The following AGO2 variants were observed in gnomAD, a reference collection of about 807,000 sequenced individuals.
The protein encoded by AGO2 is argonaute RISC catalytic component 2.
AGO2 carries 5 observed loss-of-function variants against 102.3 expected under a neutral mutation model. That is an observed-to-expected ratio of 0.05 (90% CI 0.03 to 0.10). The LOEUF is 0.10. AGO2 is among the 10% of genes least tolerant of loss of function. The pLI, the probability that AGO2 is intolerant of heterozygous loss-of-function variation, is 1.00. For missense variants in AGO2, 541 were observed against 1,183.7 expected (o/e 0.46, Z 7.97); for synonymous variants, 449 against 473.1 (o/e 0.95, Z 0.66).
chr8:140,595,949 T>A (rs368964178), intron 1 of AGO2, among the ~76,000 whole-genome samples: 2 of 113,756 alleles, frequency 1.8e-5, no homozygotes, highest in Admixed American at 1.2e-4. Flanking sequence ...ATATATATTT[T>A]ATATATAATA....
intron 1 of AGO2, among the ~76,000 whole-genome samples, chr8:140,602,171 A>AT (rs2073942623): frequency 6.6e-6 from 1 of 152,174 alleles, no homozygotes; most frequent in Non-Finnish European, 1.5e-5. Context: ...GAGGGTCCTT[A>AT]TTTTTTAACA....
chr8:140,537,979 T>G (rs541277047), intron 16 of AGO2, among the ~76,000 whole-genome samples: 1 of 152,162 alleles, frequency 6.6e-6, no homozygotes, highest in African/African-American at 2.4e-5. Flanking sequence ...CCACCACGCC[T>G]GGGTAATTTT....
intron 1 of AGO2, among the ~76,000 whole-genome samples, chr8:140,628,315 CGT>C (rs746091855): frequency 4.6e-5 from 7 of 152,220 alleles, no homozygotes; most frequent in Non-Finnish European, 8.8e-5. Context: ...CGAACACCCA[CGT>C]GTGTGAGGCC....
intron 10 of AGO2, among the ~76,000 whole-genome samples, chr8:140,554,201 C>T (rs1194245762): frequency 6.6e-6 from 1 of 152,212 alleles, no homozygotes; most frequent in Non-Finnish European, 1.5e-5. Context: ...CCTCCCGGGG[C>T]GTCTCCTCCC....
chr8:140,638,917 T>A (rs562057962), upstream of AGO2, among the ~76,000 whole-genome samples: 8 of 152,240 alleles, frequency 5.3e-5, no homozygotes, highest in East Asian at 1.4e-3. Flanking sequence ...AGGGTCTCAC[T>A]CTATTGCCCA....
At chr8:140,575,396 C>G (rs1210005082) in intron 2 of AGO2, among the ~76,000 whole-genome samples, 3 of 152,196 alleles carry the variant, frequency 2.0e-5, no homozygotes, top group Non-Finnish European at 2.9e-5. Context: ...TGCCCTGCAG[C>G]TCTCGCAAGA....
intron 17 of AGO2, among the ~76,000 whole-genome samples, chr8:140,533,448 G>A (rs1208021139): frequency 6.6e-6 from 1 of 151,208 alleles, no homozygotes; most frequent in Non-Finnish European, 1.5e-5. Context: ...CAAGGACAGT[G>A]CCATTTGTGT....
chr8:140,532,074 T>C lies in AGO2; in HGVS notation c.2550A>G (p.Gln850=). The C allele has an allele frequency of 6.2e-7, 1 of 1,614,222 alleles. No individual in the cohort carries two copies. Among genetic ancestry groups the C allele is most frequent in the Non-Finnish European group, 8.5e-7 (1 of 1,180,038 alleles). The change falls in exon 19 of 19, where the codon CAA becomes CAG. Residue 850 remains glutamine (Q), a synonymous_variant. Transcript: ENST00000220592. ...QALAKAVQVH[Q]DTLRTMYFA is the part of the protein sequence containing the mutation. ...CAAAGTACATGGTGCGCAGAGTGTC[T>C]TGGTGAACCTGGACCGCCTTGGCCA...
intron 1 of AGO2, among the ~76,000 whole-genome samples, chr8:140,614,279 G>C (rs1035425202): frequency 6.6e-6 from 1 of 152,070 alleles, no homozygotes; most frequent in Non-Finnish European, 1.5e-5. Context: ...AGCCGAGATC[G>C]TGCCACTGCA....
intron 1 of AGO2, among the ~76,000 whole-genome samples, chr8:140,613,639 G>A (rs1211963730): frequency 3.3e-5 from 5 of 152,132 alleles, no homozygotes; most frequent in African/African-American, 1.2e-4. Flanking sequence ...CAGGAATAAC[G>A]GTAATACTGG....
upstream of AGO2, chr8:140,636,135 A>G (rs1459207714): frequency 6.6e-6 from 1 of 151,160 alleles, no homozygotes; most frequent in Non-Finnish European, 1.5e-5. Flanking sequence ...TTAAGTTACT[A>G]CAGAAACACG....
At chr8:140,543,335 C>T (rs1192639736) in intron 14 of AGO2, among the ~76,000 whole-genome samples, 1 of 152,204 alleles carries the variant, frequency 6.6e-6, no homozygotes, top group African/African-American at 2.4e-5. Context: ...CCCTGAATAA[C>T]ACCAGAGCAC....
chr8:140,529,749 T>G lies in AGO2; in HGVS notation c.*2295A>C, dbSNP rs2944759. On this transcript the variant is annotated 3_prime_UTR_variant, in exon 19 of 19. Transcript: ENST00000220592. ...GGCCATCGCTTAGACACAGATGCCC[T>G]GGCCATCCCTGAAGTACCGCACGCA... 0.31 allele frequency: 47,256 copies of G among 151,766 alleles called. 9,283 individuals carry two copies. Among genetic ancestry groups the G allele is most frequent in the African/African-American group, 0.56 (22,885 of 41,212 alleles). 9.4% of individuals were successfully genotyped at this position (151,766 alleles called of 1,614,324 possible). A position where few individuals can be genotyped will look rare whatever the true frequency, so the allele number is the denominator to read the frequency against.
intron 2 of AGO2, among the ~76,000 whole-genome samples, chr8:140,573,948 A>G (rs1588470356): frequency 6.6e-6 from 1 of 152,138 alleles, no homozygotes; most frequent in Admixed American, 6.5e-5. Flanking sequence ...GTCCAGCCTG[A>G]CCCAGGGGCC....
At chr8:140,569,633 C>T (rs1377845730) in intron 3 of AGO2, among the ~76,000 whole-genome samples, 1 of 152,162 alleles carries the variant, frequency 6.6e-6, no homozygotes, top group Non-Finnish European at 1.5e-5. Context: ...GAAGACCAGA[C>T]GACACAAATC....
intron 1 of AGO2, among the ~76,000 whole-genome samples, chr8:140,597,474 A>ACCCCCCCCCCCCCCC (rs1163320106): frequency 2.2e-5 from 1 of 45,220 alleles, no homozygotes; most frequent in African/African-American, 8.9e-5. Context: ...TGGCCCCCCC[A>ACCCCCCCCCCCCCCC]CCCCCCCCCC....
rs1268970815 is a variant in AGO2 at position 140,557,588 on chromosome 8, C to T, written c.879-352G>A. 2.0e-5 allele frequency among the ~76,000 whole-genome samples: 3 copies of T among 152,186 alleles called. No individual in the cohort carries two copies. The highest frequency in any genetic ancestry group is 2.9e-5 in the Non-Finnish European group (2 of 68,040). ...GACCCTGGAAGCCTTTTACGTGCCG[C>T]GCGCTCCCGGTGCCCAGAAGGCCTG... On this transcript the variant is annotated intron_variant, in intron 7 of 18. Coordinates refer to ENST00000220592, the MANE Select transcript of AGO2 (RefSeq NM_012154.5). The surrounding 1 kb of genome is among the most constrained non-coding windows in gnomAD (Gnocchi z 5.9).
At chr8:140,535,067 G>A (rs1564071714) in intron 17 of AGO2, among the ~76,000 whole-genome samples, 1 of 152,228 alleles carries the variant, frequency 6.6e-6, no homozygotes, top group African/African-American at 2.4e-5. Context: ...CCAAGTGCTC[G>A]TGAATCGACG....
At chr8:140,532,974 G>A (rs1351287298) in intron 17 of AGO2, among the ~76,000 whole-genome samples, 1 of 150,404 alleles carries the variant, frequency 6.6e-6, no homozygotes, top group Non-Finnish European at 1.5e-5. Flanking sequence ...CTCCAGCCTG[G>A]GCAACAGAGA....
Sources: gnomAD v4.1 joint callset for allele counts (sites outside exome capture counted in the v4.1 genomes callset) on GRCh38, gnomAD v4.1.1 for gene constraint, Gnocchi (gnomAD v3.1) non-coding constraint, MANE v1.5 for transcripts, NCBI Gene and HGNC (gene_info 2026-07-23, HGNC 2026-07-21) for gene names.